The following QDPR variants were observed in gnomAD, a reference collection of about 807,000 sequenced individuals.
The protein encoded by QDPR is dihydropteridine reductase.
A neutral mutation model predicts 31.7 loss-of-function variants in QDPR; 23 were observed. That is an observed-to-expected ratio of 0.73 (90% CI 0.52 to 1.03). QDPR has a LOEUF of 1.03. Ranked by LOEUF, QDPR falls within the 50% of genes least tolerant of loss-of-function variation. The pLI, the probability that QDPR is intolerant of heterozygous loss-of-function variation, is 0.00. For synonymous variants in QDPR, 124 were observed against 124.7 expected (o/e 0.99, Z 0.03); for missense variants, 324 against 323.8 (o/e 1.00, Z 0.00).
rs1230268105 is a variant in QDPR at position 17,505,243 on chromosome 4, CT to C, written c.199-769del. The stretch of plus-strand genomic sequence containing the variant: ...ATTAAGATCAATCTTCTTAAGATTT[CT>C]TTTTTTTTTTTTTTTTTTTTTGAGA... On this transcript the variant is annotated intron_variant, in intron 2 of 6. Transcript: ENST00000281243. 8.4e-3 allele frequency among the ~76,000 whole-genome samples: 866 copies of C among 103,300 alleles called. 7 individuals are homozygous for C. Among genetic ancestry groups the C allele is most frequent in the African/African-American group, 0.026 (745 of 28,948 alleles). The allele number at this position is 103,300 out of a possible 152,430, so 67.8% of individuals were successfully genotyped here.
chr4:17,491,695 C>T (rs1718170067), intron 5 of QDPR, among the ~76,000 whole-genome samples: 1 of 152,142 alleles, frequency 6.6e-6, no homozygotes. Context: ...CCCATCCAAC[C>T]AGCCAATCAA....
Position 17,490,700 on chromosome 4 carries a change from A to C in QDPR, c.591T>G (p.Ala197=). ...TPMNRKSMPE[A]DFSSWTPLEF... ...CTAAGGGTGTCCAGGAGCTGAAGTCAGCCTCAGGCATTGATTTCCTGTTCA... is the reference window on the plus strand; with the variant it reads ...CTAAGGGTGTCCAGGAGCTGAAGTCCGCCTCAGGCATTGATTTCCTGTTCA... Residue 197 remains alanine (A), a synonymous_variant, in exon 6 of 7, where the codon GCT becomes GCG. Transcript: ENST00000281243. 1 of 1,614,102 alleles carries C rather than the reference A, an allele frequency of 6.2e-7. No individual in the cohort carries two copies. Among genetic ancestry groups the C allele is most frequent in the South Asian group, 1.1e-5 (1 of 91,070 alleles).
chr4:17,494,018 T>C (rs945535743), intron 4 of QDPR, among the ~76,000 whole-genome samples: 4 of 152,026 alleles, frequency 2.6e-5, no homozygotes, highest in Non-Finnish European at 5.9e-5. Context: ...ATCAAATCAA[T>C]AGAAGTAATG....
chr4:17,490,971 C>T (rs1044733888), intron 5 of QDPR, among the ~76,000 whole-genome samples: 43 of 152,262 alleles, frequency 2.8e-4, no homozygotes, highest in African/African-American at 9.1e-4. Flanking sequence ...CAATAAGGTG[C>T]GCTGTGGCTC....
chr4:17,496,598 G>C (rs543880574), intron 4 of QDPR, among the ~76,000 whole-genome samples: 6 of 151,838 alleles, frequency 4.0e-5, no homozygotes, highest in Admixed American at 2.0e-4. Flanking sequence ...AAAAGAATAA[G>C]GCATGGAAAA....
chr4:17,489,126 T>A (rs1235993421), intron 6 of QDPR, among the ~76,000 whole-genome samples: 1 of 152,234 alleles, frequency 6.6e-6, no homozygotes, highest in Non-Finnish European at 1.5e-5. Context: ...TTCACCCTCA[T>A]CTGCAGCGTG....
At chr4:17,488,177 C>T (rs866594412) in intron 6 of QDPR, among the ~76,000 whole-genome samples, 4 of 152,020 alleles carry the variant, frequency 2.6e-5, no homozygotes, top group Middle Eastern at 3.4e-3. Context: ...GGGATGATTG[C>T]TTGAGCCCCG....
intron 6 of QDPR, chr4:17,490,423 G>A (rs1166203219): frequency 2.0e-6 from 1 of 503,048 alleles, no homozygotes; most frequent in East Asian, 3.9e-5. Context: ...ATGGCCGGTG[G>A]TGAGGGAGCG....
intron 4 of QDPR, among the ~76,000 whole-genome samples, chr4:17,499,298 C>G (rs1315890427): frequency 6.6e-6 from 1 of 152,142 alleles, no homozygotes; most frequent in Non-Finnish European, 1.5e-5. Flanking sequence ...TAACCACTAC[C>G]CAAAATGTAA....
intron 4 of QDPR, among the ~76,000 whole-genome samples, chr4:17,499,309 T>C (rs1359822939): frequency 1.3e-5 from 2 of 152,190 alleles, no homozygotes; most frequent in African/African-American, 4.8e-5. Context: ...CAAAATGTAA[T>C]CAAAGGATAC....
chr4:17,495,955 G>A (rs1718336702), intron 4 of QDPR, among the ~76,000 whole-genome samples: 1 of 152,010 alleles, frequency 6.6e-6, no homozygotes, highest in Non-Finnish European at 1.5e-5. Flanking sequence ...AGGCTGCAGT[G>A]AGCCAAGATC....
chr4:17,489,819 A>G (rs1203484489), intron 6 of QDPR, among the ~76,000 whole-genome samples: 1 of 152,244 alleles, frequency 6.6e-6, no homozygotes, highest in East Asian at 1.9e-4. Flanking sequence ...TCAGGCCAGA[A>G]GCACACTGCT....
At chr4:17,503,936 C>T (rs967606648) in intron 3 of QDPR, among the ~76,000 whole-genome samples, 1 of 149,594 alleles carries the variant, frequency 6.7e-6, no homozygotes, top group South Asian at 2.2e-4. Flanking sequence ...GGTGACAGAG[C>T]AAGACTCTGT....
At chr4:17,510,759 G>C (rs558303141) in intron 1 of QDPR, among the ~76,000 whole-genome samples, 1 of 152,304 alleles carries the variant, frequency 6.6e-6, no homozygotes, top group African/African-American at 2.4e-5. Context: ...GAGTCTATGG[G>C]AACTCTGGTA....
intron 2 of QDPR, among the ~76,000 whole-genome samples, chr4:17,506,006 C>G (rs1016855187): frequency 9.2e-5 from 14 of 152,310 alleles, no homozygotes; most frequent in Middle Eastern, 3.4e-3. Flanking sequence ...CATTAGAAAC[C>G]TATAATTAAT....
At chr4:17,509,980 A>T (rs766369280) in intron 1 of QDPR, 3 of 456,210 alleles carry the variant, frequency 6.6e-6, no homozygotes, top group Non-Finnish European at 4.4e-6. Flanking sequence ...TCAAATCTGC[A>T]ATTGTAACAG....
At chr4:17,495,121 C>G (rs1462731243) in intron 4 of QDPR, among the ~76,000 whole-genome samples, 1 of 152,168 alleles carries the variant, frequency 6.6e-6, no homozygotes, top group Admixed American at 6.5e-5. Flanking sequence ...GATTCCTCTC[C>G]AGATCAAGCA....
chr4:17,511,926 A>G, intron 1 of QDPR, 24 bp downstream of exon 1: 1 of 1,602,946 alleles, frequency 6.2e-7, no homozygotes, highest in Non-Finnish European at 8.5e-7. Context: ...GCGGAGACCC[A>G]GCAGCCCCAG....
intron 6 of QDPR, 151 bp from the exon 7 acceptor site, chr4:17,487,387 C>A: frequency 3.0e-6 from 2 of 669,396 alleles, no homozygotes; most frequent in South Asian, 3.3e-5. Context: ...CCATGGCTCA[C>A]ACCTGTGATC....
Sources: allele counts gnomAD v4.1 joint callset (sites outside exome capture counted in the v4.1 genomes callset), GRCh38; gene constraint gnomAD v4.1.1; transcripts MANE v1.5; gene names NCBI Gene and HGNC (gene_info 2026-07-23, HGNC 2026-07-21).